AAGAB: variants seen among roughly 807,000 people sequenced by gnomAD.
The protein encoded by AAGAB is alpha- and gamma-adaptin-binding protein p34.
AAGAB carries 38 observed loss-of-function variants against 44.1 expected under a neutral mutation model. The ratio of observed to expected loss-of-function variants is 0.86; its 90% CI spans 0.67 to 1.13. AAGAB has a LOEUF of 1.13. AAGAB is among the 50% of genes most tolerant of loss of function. The pLI, the probability that AAGAB is intolerant of heterozygous loss-of-function variation, is 0.00. For synonymous variants in AAGAB, 131 were observed against 131.8 expected, an observed-to-expected ratio of 0.99 and a Z score of 0.04; for missense variants, 450 against 373.8, an observed-to-expected ratio of 1.20 and a Z score of -1.68.
At chr15:67,230,120 G>C (rs2140370997) in intron 5 of AAGAB, among the ~76,000 whole-genome samples, 1 of 152,100 alleles carries the variant, frequency 6.6e-6, no homozygotes, top group Non-Finnish European at 1.5e-5. Flanking sequence ...CCAAAGTGCT[G>C]GGATTACAGG....
At chr15:67,204,487 C>T (rs1963642031) in intron 7 of AAGAB, among the ~76,000 whole-genome samples, 1 of 152,158 alleles carries the variant, frequency 6.6e-6, no homozygotes. Context: ...CATACTCACT[C>T]CACTAAGGTA....
At chr15:67,235,904 T>TA in intron 4 of AAGAB, 75 bp downstream of exon 4, 1 of 1,158,524 alleles carries the variant, frequency 8.6e-7, no homozygotes, top group Admixed American at 2.3e-5. Context: ...AATTTTGCTG[T>TA]GATTCTTCTT....
chr15:67,211,280 TACA>T (rs1963813279), intron 5 of AAGAB, among the ~76,000 whole-genome samples: 1 of 152,214 alleles, frequency 6.6e-6, no homozygotes, highest in Non-Finnish European at 1.5e-5. Context: ...TTTCATTCTG[TACA>T]ACCTCAACAG....
intron 7 of AAGAB, among the ~76,000 whole-genome samples, chr15:67,205,683 C>T (rs1346564124): frequency 2.0e-5 from 3 of 152,228 alleles, no homozygotes; most frequent in South Asian, 2.1e-4. Context: ...AATATCTACC[C>T]GATTTAGCGG....
intron 4 of AAGAB, among the ~76,000 whole-genome samples, chr15:67,235,556 C>T (rs1964441557): frequency 6.6e-6 from 1 of 152,100 alleles, no homozygotes; most frequent in South Asian, 2.1e-4. Context: ...TTCAAATGTC[C>T]AAAAGACATT....
rs1963591784 is a variant in AAGAB at position 67,202,588 on chromosome 15, T to G, written c.*233A>C. The G allele has an allele frequency of 4.0e-6, 2 of 496,752 alleles. No homozygotes were observed. The highest frequency in any genetic ancestry group is 6.9e-5 in the Admixed American group (2 of 29,138). The allele number at this position is 496,752 out of a possible 1,614,324, so 30.8% of individuals were successfully genotyped here. On this transcript the variant is annotated 3_prime_UTR_variant, in exon 10 of 10. Transcript: ENST00000261880. Reference sequence around the variant, plus strand: ...TCCTAGAACAAAAAAAAAGTATATTTAAGAAATCCTCACTCATTACTATCA... The same window carrying G: ...TCCTAGAACAAAAAAAAAGTATATTGAAGAAATCCTCACTCATTACTATCA...
chr15:67,239,131 T>C (rs991294740), intron 1 of AAGAB, among the ~76,000 whole-genome samples: 1 of 152,196 alleles, frequency 6.6e-6, no homozygotes, highest in Non-Finnish European at 1.5e-5. Context: ...TTCCTGTCAT[T>C]GCTATAATCA....
At chr15:67,219,432 A>T (rs1167913272) in intron 5 of AAGAB, among the ~76,000 whole-genome samples, 1 of 152,182 alleles carries the variant, frequency 6.6e-6, no homozygotes, top group Non-Finnish European at 1.5e-5. Context: ...TCAACGGTGG[A>T]TTAGACAAAG....
chr15:67,244,225 T>C (rs897298229), intron 1 of AAGAB, among the ~76,000 whole-genome samples: 3 of 152,158 alleles, frequency 2.0e-5, no homozygotes, highest in African/African-American at 7.2e-5. Context: ...GCTTGATCTG[T>C]TAGAAAATAT....
intron 5 of AAGAB, among the ~76,000 whole-genome samples, chr15:67,219,453 A>G (rs1407761591): frequency 6.6e-6 from 1 of 152,216 alleles, no homozygotes; most frequent in Non-Finnish European, 1.5e-5. Flanking sequence ...AAAACATGGT[A>G]CATGTACACC....
chr15:67,254,161 G>A, intron 1 of AAGAB: 1 of 183,280 alleles, frequency 5.5e-6, no homozygotes, highest in Non-Finnish European at 1.1e-5. Flanking sequence ...TCAGAATTCA[G>A]AGTAAACACT....
At chr15:67,224,928 G>A (rs977393716) in intron 5 of AAGAB, among the ~76,000 whole-genome samples, 7 of 152,138 alleles carry the variant, frequency 4.6e-5, no homozygotes, top group African/African-American at 1.4e-4. Flanking sequence ...GAGAAAGCAA[G>A]GTCAGGCAAG....
chr15:67,208,770 A>T (rs1034703212), intron 6 of AAGAB, 112 bp from the exon 7 acceptor site: 1 of 786,834 alleles, frequency 1.3e-6, no homozygotes, highest in Admixed American at 2.9e-5. Context: ...GAGTAATAGG[A>T]ACTGGAGGCA....
At chr15:67,222,526 C>A (rs1964107005) in intron 5 of AAGAB, among the ~76,000 whole-genome samples, 1 of 152,136 alleles carries the variant, frequency 6.6e-6, no homozygotes, top group Non-Finnish European at 1.5e-5. Flanking sequence ...TCAGAAGAAA[C>A]TTCCACAGAT....
At chr15:67,211,275 T>A (rs1963813198) in intron 5 of AAGAB, among the ~76,000 whole-genome samples, 1 of 152,184 alleles carries the variant, frequency 6.6e-6, no homozygotes, top group Non-Finnish European at 1.5e-5. Context: ...CTGCTTTTCA[T>A]TCTGTACAAC....
Position 67,254,639 on chromosome 15 carries a change from C to T in AAGAB, c.-8G>A, listed in dbSNP as rs1965033745. The T allele has an allele frequency of 2.5e-6, 4 of 1,583,842 alleles. No individual in the cohort carries two copies. The highest frequency in any genetic ancestry group is 1.3e-5 in the African/African-American group (1 of 74,230). ...GGGTACGCCAGCAGCCATAGCTGCG[C>T]TCGCGAGCCGGTTCCGTCAGGCAGC... On this transcript the variant is annotated 5_prime_UTR_variant, in exon 1 of 10. Transcript: ENST00000261880.
intron 1 of AAGAB, among the ~76,000 whole-genome samples, chr15:67,245,010 A>G (rs1269917419): frequency 2.6e-5 from 4 of 152,136 alleles, no homozygotes; most frequent in Non-Finnish European, 5.9e-5. Context: ...AATAACAAGT[A>G]TTGTTATTGT....
rs1964341594 is a variant in AAGAB at position 67,231,813 on chromosome 15, C to CCATT, written c.532_535dup (p.Asp179GlufsTer2). On this transcript the variant is annotated stop_gained and frameshift_variant and splice_region_variant. Transcript: ENST00000261880. LOFTEE classifies it high-confidence loss of function. ...AATGACTTGAGTCCCAAGTTACTTA[C>CCATT]CATTCTTCATCACTACATTGGACCA... The CCATT allele has an allele frequency of 6.2e-7, 1 of 1,608,090 alleles. No individual in the cohort carries two copies. Among genetic ancestry groups the CCATT allele is most frequent in the African/African-American group, 1.3e-5 (1 of 74,754 alleles).
intron 1 of AAGAB, among the ~76,000 whole-genome samples, chr15:67,250,164 C>T (rs1964829053): frequency 6.6e-6 from 1 of 152,028 alleles, no homozygotes; most frequent in Non-Finnish European, 1.5e-5. Context: ...CATACACTTT[C>T]TTTCTTTCTT....
Sources: allele counts gnomAD v4.1 joint callset (sites outside exome capture counted in the v4.1 genomes callset), GRCh38; gene constraint gnomAD v4.1.1; transcripts MANE v1.5; gene names NCBI Gene and HGNC (gene_info 2026-07-23, HGNC 2026-07-21).